ARHGAP6: variants seen among roughly 807,000 people sequenced by gnomAD.
ARHGAP6 encodes the protein Rho GTPase activating protein 6.
ARHGAP6 carries 16 observed loss-of-function variants against 55.7 expected under a neutral mutation model. The ratio of observed to expected loss-of-function variants is 0.29; its 90% confidence interval spans 0.19 to 0.44. The LOEUF (loss-of-function observed/expected upper bound fraction) is 0.44. ARHGAP6 is among the 20% of genes least tolerant of loss of function. The pLI, the probability that ARHGAP6 is intolerant of heterozygous loss-of-function variation, is 1.00. For synonymous variants in ARHGAP6, 382 were observed against 360.9 expected, an observed-to-expected ratio of 1.06 and a Z score of -0.66; for missense variants, 698 against 808.9, an observed-to-expected ratio of 0.86 and a Z score of 1.66.
chrX:11,149,805 T>C (rs914548038), intron 10 of ARHGAP6, among the ~76,000 whole-genome samples: 1 of 112,214 alleles, frequency 8.9e-6, no homozygotes, highest in African/African-American at 3.2e-5. Context: ...AGAAGGCAGA[T>C]TTGTCATTCA....
chrX:11,177,981 C>T (rs2046257302), intron 8 of ARHGAP6, 119 bp downstream of exon 8: 2 of 913,171 alleles, frequency 2.2e-6, no homozygotes, highest in African/African-American at 3.9e-5. Flanking sequence ...ACAGAGACAG[C>T]TAGGTTGGAG....
chrX:11,143,361 A>C (rs1213544776), intron 11 of ARHGAP6: 1 of 132,497 alleles, frequency 7.5e-6, no homozygotes, highest in African/African-American at 3.2e-5. Flanking sequence ...AGGGCTTTAC[A>C]TGGATTAGTT....
At chrX:11,354,519 A>G (rs1479983938) in intron 1 of ARHGAP6, among the ~76,000 whole-genome samples, 2 of 108,175 alleles carry the variant, frequency 1.8e-5, no homozygotes, top group African/African-American at 6.8e-5. Context: ...GGTAAACACA[A>G]TAATACATAG....
intron 3 of ARHGAP6, 141 bp from the exon 4 acceptor site, chrX:11,189,125 C>A: frequency 5.4e-6 from 4 of 743,803 alleles, no homozygotes; most frequent in Non-Finnish European, 7.5e-6. Context: ...AAAAAGGTGA[C>A]ATTTGTGTTA....
intron 1 of ARHGAP6, among the ~76,000 whole-genome samples, chrX:11,381,733 A>C (rs1276521614): frequency 8.9e-6 from 1 of 112,194 alleles, no homozygotes; most frequent in Non-Finnish European, 1.9e-5. Context: ...GGGTTGAACA[A>C]AGCTTTTAGT....
At chrX:11,559,243 T>C in intron 1 of ARHGAP6, among the ~76,000 whole-genome samples, 1 of 110,153 alleles carries the variant, frequency 9.1e-6, no homozygotes, top group Non-Finnish European at 1.9e-5. Flanking sequence ...GGCCCATTTT[T>C]TTACTGTCAC....
intron 2 of ARHGAP6, among the ~76,000 whole-genome samples, chrX:11,202,799 CAAAAAAAAA>C (rs776633959): frequency 1.1e-4 from 1 of 9,451 alleles, no homozygotes; most frequent in African/African-American, 4.3e-4. Context: ...GACTCCGTCT[CAAAAAAAAA>C]AAAAAAAAAA....
At chrX:11,499,933 G>C (rs765174004) in intron 1 of ARHGAP6, among the ~76,000 whole-genome samples, 1 of 112,214 alleles carries the variant, frequency 8.9e-6, no homozygotes, top group South Asian at 3.8e-4. Context: ...TTTAATGAGT[G>C]TGCACATCAG....
intron 9 of ARHGAP6, among the ~76,000 whole-genome samples, chrX:11,159,280 A>T (rs1189733266): frequency 9.0e-6 from 1 of 111,125 alleles, no homozygotes; most frequent in Non-Finnish European, 1.9e-5. Flanking sequence ...TTTTGAACAG[A>T]TGACTAACAT....
intron 1 of ARHGAP6, among the ~76,000 whole-genome samples, chrX:11,362,469 C>T (rs1329972269): frequency 5.5e-5 from 6 of 109,157 alleles, no homozygotes; most frequent in Non-Finnish European, 1.1e-4. Context: ...AACACATGGA[C>T]ACAGGAAGGG....
intron 1 of ARHGAP6, among the ~76,000 whole-genome samples, chrX:11,579,522 G>C (rs2051640757): frequency 8.9e-6 from 1 of 111,934 alleles, no homozygotes; most frequent in Admixed American, 9.5e-5. Context: ...ATTAAAAGTT[G>C]CCAGAAATAA....
chrX:11,659,500 T>C (rs1222510859), intron 1 of ARHGAP6, among the ~76,000 whole-genome samples: 5 of 111,242 alleles, frequency 4.5e-5, no homozygotes, highest in Non-Finnish European at 7.5e-5. Context: ...TCCCCTGTGG[T>C]AGACAGAATA....
At chrX:11,289,996 C>T (rs1343077236) in intron 1 of ARHGAP6, among the ~76,000 whole-genome samples, 1 of 111,512 alleles carries the variant, frequency 9.0e-6, no homozygotes, top group Non-Finnish European at 1.9e-5. Context: ...AAAACAACAA[C>T]AAAAAATTAT....
intron 1 of ARHGAP6, among the ~76,000 whole-genome samples, chrX:11,511,883 G>C (rs2050787937): frequency 9.0e-6 from 1 of 111,111 alleles, no homozygotes; most frequent in African/African-American, 3.3e-5. Flanking sequence ...CTGGAGTCCA[G>C]TGGCATGATC....
chrX:11,328,160 T>C (rs2048520352), intron 1 of ARHGAP6, among the ~76,000 whole-genome samples: 1 of 112,473 alleles, frequency 8.9e-6, no homozygotes, highest in Admixed American at 9.4e-5. Flanking sequence ...TCTCATTTCA[T>C]CGTGAAGGAA....
At chrX:11,590,910 G>GAAAAGA (rs755033130) in intron 1 of ARHGAP6, among the ~76,000 whole-genome samples, 1 of 83,854 alleles carries the variant, frequency 1.2e-5, no homozygotes, top group African/African-American at 4.8e-5. Flanking sequence ...AAGAAAGAAA[G>GAAAAGA]AAAGAAAAGA....
chrX:11,239,368 C>T (rs2047245043), intron 2 of ARHGAP6, among the ~76,000 whole-genome samples: 1 of 111,741 alleles, frequency 8.9e-6, no homozygotes, highest in Non-Finnish European at 1.9e-5. Flanking sequence ...CTGAAGTGCT[C>T]CACAGAACTG....
chrX:11,290,410 A>G, intron 1 of ARHGAP6: 1 of 383,255 alleles, frequency 2.6e-6, no homozygotes, highest in Non-Finnish European at 5.2e-6. Context: ...CGGTGGGGTC[A>G]AAGTTACGAT....
At chrX:11,638,060 T>C (rs900527853) in intron 1 of ARHGAP6, among the ~76,000 whole-genome samples, 1 of 111,449 alleles carries the variant, frequency 9.0e-6, no homozygotes, top group African/African-American at 3.3e-5. Flanking sequence ...CAGATAGAGA[T>C]AGCTAATAAC....
Sources: gnomAD v4.1 joint callset for allele counts (sites outside exome capture counted in the v4.1 genomes callset) on GRCh38, gnomAD v4.1.1 for gene constraint, MANE v1.5 for transcripts, NCBI Gene and HGNC (gene_info 2026-07-23, HGNC 2026-07-21) for gene names.